WWP2: variants seen among roughly 807,000 people sequenced by gnomAD.
The protein encoded by WWP2 is WW domain containing E3 ubiquitin protein ligase 2, also known as NEDD4-like E3 ubiquitin-protein ligase WWP2.
Under a neutral mutation model 121.0 loss-of-function variants are expected in WWP2, and 57 were observed. The ratio of observed to expected loss-of-function variants is 0.47; its 90% CI spans 0.38 to 0.59. WWP2 has a LOEUF of 0.59. Ranked by LOEUF, WWP2 falls within the 20% of genes least tolerant of loss-of-function variation. The probability of loss-of-function intolerance (pLI) is 0.00; values close to 1 mark genes in which losing one functional copy is unlikely to be tolerated. For missense variants in WWP2, 962 were observed against 1,158.9 expected (o/e 0.83, Z 2.47); for synonymous variants, 449 against 441.3 (o/e 1.02, Z -0.22).
intron 8 of WWP2, among the ~76,000 whole-genome samples, chr16:69,900,481 T>C (rs540247213): frequency 3.5e-4 from 54 of 152,174 alleles, no homozygotes; most frequent in African/African-American, 1.3e-3. Context: ...AAAAAGATAA[T>C]TAAAAGAATT....
chr16:69,809,301 A>G (rs1460703327), intron 4 of WWP2, among the ~76,000 whole-genome samples: 2 of 152,172 alleles, frequency 1.3e-5, no homozygotes, highest in Non-Finnish European at 2.9e-5. Flanking sequence ...AAAGTCTTCT[A>G]TTTAGAGCCA....
rs2058882111 is a variant in WWP2, at chr16:69,941,617, A to G, written c.*1677A>G. 1 of 153,752 alleles carries G rather than the reference A, an allele frequency of 6.5e-6. No individual in the cohort carries two copies. The highest frequency in any genetic ancestry group is 2.1e-4 in the South Asian group (1 of 4,832). The allele number at this position is 153,752 out of a possible 1,614,324, so 9.5% of individuals were successfully genotyped here. The stretch of plus-strand genomic sequence containing the variant: ...CGTGCGTGTGTGTGCGTACGTGTAT[A>G]TAACTGAAGTGTCTGTACGGAATGC... On this transcript the variant is annotated 3_prime_UTR_variant, in exon 24 of 24. Transcript: ENST00000359154.
intron 14 of WWP2, 129 bp downstream of exon 14, chr16:69,931,356 G>A (rs2058708875): frequency 1.4e-6 from 2 of 1,460,676 alleles, no homozygotes; most frequent in Admixed American, 3.8e-5. Flanking sequence ...GTCTAACCCG[G>A]AGCTGGCTGT....
At chr16:69,827,785 T>TC in intron 4 of WWP2, 1 of 427,018 alleles carries the variant, frequency 2.3e-6, no homozygotes, top group Non-Finnish European at 4.7e-6. Flanking sequence ...GCAGGGACTC[T>TC]CCCTCCCCTC....
chr16:69,907,628 G>A (rs2058314402), intron 8 of WWP2, among the ~76,000 whole-genome samples: 1 of 152,154 alleles, frequency 6.6e-6, no homozygotes. Context: ...TTGTCAGACT[G>A]CATGCAAATA....
chr16:69,901,833 C>A (rs765543279), intron 8 of WWP2, among the ~76,000 whole-genome samples: 1 of 152,156 alleles, frequency 6.6e-6, no homozygotes, highest in Non-Finnish European at 1.5e-5. Context: ...TCCCTGTAAT[C>A]CCAGCTACTC....
Position 69,937,761 on chromosome 16 carries a change from G to GGCAGGGACATTTGGGCCATCAA in WWP2, c.2343+109_2343+110insGCAGGGACATTTGGGCCATCAA. The GGCAGGGACATTTGGGCCATCAA allele has an allele frequency of 9.9e-7, 1 of 1,013,512 alleles. No homozygotes were observed. Among genetic ancestry groups the GGCAGGGACATTTGGGCCATCAA allele is most frequent in the Non-Finnish European group, 1.5e-6 (1 of 675,080 alleles). The allele number at this position is 1,013,512 out of a possible 1,614,324, so 62.8% of individuals were successfully genotyped here. On this transcript the variant is annotated intron_variant, in intron 21 of 23. Transcript: ENST00000359154. This position sits in a 1 kb window ranked among gnomAD's most constrained non-coding sequence, Gnocchi z 6.6. ...GACCTTCAGCTTTGGCCCTGTCCTTGCCTCCCACACCTTGCAAAAGGAGAC... is the reference window on the plus strand; with the variant it reads ...GACCTTCAGCTTTGGCCCTGTCCTTGGCAGGGACATTTGGGCCATCAACCTCCCACACCTTGCAAAAGGAGAC...
rs1479925773 is a variant in WWP2 at position 69,812,869 on chromosome 16, T to G, written c.340+13574T>G. On this transcript the variant is annotated intron_variant, in intron 4 of 23. Transcript: ENST00000359154. ...GTTTTTCCACTGCAAAATTACTGTT[T>G]CCCCTTGTCAATGAAAAGGTATTAT... is the stretch of plus-strand genomic sequence containing the variant. Among the ~76,000 whole-genome samples, 7 of 152,274 alleles carry G rather than the reference T, an allele frequency of 4.6e-5. No individual in the cohort carries two copies. The East Asian group carries it at 1.3e-3, about 29-fold the overall frequency.
intron 6 of WWP2, among the ~76,000 whole-genome samples, chr16:69,864,509 C>T (rs1328106834): frequency 4.6e-5 from 7 of 152,124 alleles, no homozygotes; most frequent in Non-Finnish European, 8.8e-5. Flanking sequence ...ACTTTGCATC[C>T]TAATCCAGAC....
At chr16:69,836,242 A>G (rs1026567836) in intron 4 of WWP2, among the ~76,000 whole-genome samples, 6 of 151,778 alleles carry the variant, frequency 4.0e-5, no homozygotes, top group Admixed American at 3.3e-4. Flanking sequence ...CAATTCACGC[A>G]TGGCATTTGT....
chr16:69,789,009 G>A (rs996249418), intron 2 of WWP2, among the ~76,000 whole-genome samples: 1 of 152,038 alleles, frequency 6.6e-6, no homozygotes, highest in African/African-American at 2.4e-5. Flanking sequence ...AAATGCAAAT[G>A]TTATTTATAT....
chr16:69,935,470 G>A lies in WWP2; in HGVS notation c.1843-383G>A, dbSNP rs527309753. On this transcript the variant is annotated intron_variant, in intron 17 of 23. Coordinates refer to ENST00000359154, the MANE Select transcript of WWP2 (RefSeq NM_001270454.2). The surrounding 1 kb of genome is among the most constrained non-coding windows in gnomAD (Gnocchi z 5.2). ...GCTGCCTTTGCCACCCACCCTGAGC[G>A]CCAGTGAATCAGGGCTGCCACCTGC... Among the ~76,000 whole-genome samples the A allele has an allele frequency of 2.2e-4, 33 of 152,340 alleles. No homozygotes were observed. The East Asian group carries it at 5.8e-3, about 27-fold the overall frequency.
intron 10 of WWP2, among the ~76,000 whole-genome samples, chr16:69,924,116 C>A (rs1459825890): frequency 6.6e-6 from 1 of 152,232 alleles, no homozygotes; most frequent in African/African-American, 2.4e-5. Flanking sequence ...TCCGTCCTGT[C>A]AAGAGCCTAT....
At chr16:69,830,164 A>G (rs762039376) in intron 4 of WWP2, among the ~76,000 whole-genome samples, 95 of 152,272 alleles carry the variant, frequency 6.2e-4, no homozygotes, top group Non-Finnish European at 1.1e-3. Context: ...CACATTGCCT[A>G]GGTGGGTCTT....
At chr16:69,779,096 C>A (rs2055606538) in intron 1 of WWP2, among the ~76,000 whole-genome samples, 1 of 151,770 alleles carries the variant, frequency 6.6e-6, no homozygotes, top group African/African-American at 2.4e-5. Flanking sequence ...ATTACAGGTG[C>A]CCGCCACCAC....
At chr16:69,836,290 T>A (rs1245170235) in intron 4 of WWP2, among the ~76,000 whole-genome samples, 1 of 44,240 alleles carries the variant, frequency 2.3e-5, no homozygotes, top group Non-Finnish European at 5.4e-5. Context: ...CCATCCTGCC[T>A]CCTTTTTTTT....
intron 2 of WWP2, 84 bp downstream of exon 2, chr16:69,787,164 A>G: frequency 1.8e-6 from 2 of 1,085,472 alleles, no homozygotes; most frequent in Non-Finnish European, 2.6e-6. Flanking sequence ...TGGGGAGCCA[A>G]ATTTTGTGAA....
chr16:69,805,587 C>A (rs554713263), intron 4 of WWP2, among the ~76,000 whole-genome samples: 1 of 150,290 alleles, frequency 6.7e-6, no homozygotes, highest in Non-Finnish European at 1.5e-5. Context: ...TTAATCATTG[C>A]AGGTTAAAAA....
chr16:69,831,886 T>A (rs1482163180), intron 4 of WWP2, among the ~76,000 whole-genome samples: 2 of 147,390 alleles, frequency 1.4e-5, no homozygotes, highest in African/African-American at 5.1e-5. Context: ...TGGAGTGCAG[T>A]ACCCTGATCT....
Sources: gnomAD v4.1 joint callset for allele counts (sites outside exome capture counted in the v4.1 genomes callset) on GRCh38, gnomAD v4.1.1 for gene constraint, Gnocchi (gnomAD v3.1) non-coding constraint, MANE v1.5 for transcripts, NCBI Gene and HGNC (gene_info 2026-07-23, HGNC 2026-07-21) for gene names.